CYP4X1: variants seen among roughly 807,000 people sequenced by gnomAD.
CYP4X1 encodes cytochrome P450 4X1.
In CYP4X1, 44 loss-of-function variants were observed where a neutral mutation model predicts 57.9. The ratio of observed to expected loss-of-function variants is 0.76; its 90% CI spans 0.60 to 0.98. CYP4X1 has a LOEUF of 0.98. CYP4X1 is among the 50% of genes least tolerant of loss of function. The pLI is 0.00. For missense variants in CYP4X1, 532 were observed against 623.9 expected (o/e 0.85, Z 1.57); for synonymous variants, 227 against 228.6 (o/e 0.99, Z 0.06).
chr1:47,051,476 T>A (rs1644360126), downstream of CYP4X1, among the ~76,000 whole-genome samples: 1 of 152,194 alleles, frequency 6.6e-6, no homozygotes, highest in East Asian at 1.9e-4. Context: ...CTTTTGCTGA[T>A]ATGATCTTAC....
Position 47,028,226 on chromosome 1 carries a change from A to G in CYP4X1, c.178-1764A>G, listed in dbSNP as rs115353363. Among the ~76,000 whole-genome samples the G allele has an allele frequency of 2.2e-3, 340 of 152,254 alleles. 1 individual carries two copies. The highest frequency in any genetic ancestry group is 3.4e-3 in the Non-Finnish European group (231 of 68,018). On this transcript the variant is annotated intron_variant, in intron 1 of 11. Transcript: ENST00000371901. ...CTTGGATGTACTGCAGAGAACATCT[A>G]TGTAGCTAAGTAGTATAAAGCACTT... is the stretch of plus-strand genomic sequence containing the variant.
intron 1 of CYP4X1, among the ~76,000 whole-genome samples, chr1:47,026,794 T>C (rs1248205955): frequency 1.3e-5 from 2 of 152,168 alleles, no homozygotes; most frequent in East Asian, 3.9e-4. Context: ...CTCGGCTCAC[T>C]GCAACCTCCG....
intron 8 of CYP4X1, among the ~76,000 whole-genome samples, chr1:47,042,367 A>T (rs968046537): frequency 3.0e-4 from 46 of 151,004 alleles, no homozygotes; most frequent in Admixed American, 2.0e-4. Flanking sequence ...TAGTATGGAT[A>T]TTTTAACAGT....
the CYP4X1 span, among the ~76,000 whole-genome samples, chr1:47,011,209 G>C: frequency 6.6e-6 from 1 of 152,088 alleles, no homozygotes; most frequent in Admixed American, 6.6e-5. Context: ...CCAAAACAGA[G>C]ATATAGACCA....
chr1:47,038,586 C>T (rs1644210736), intron 6 of CYP4X1, 74 bp from the exon 7 acceptor site: 8 of 1,170,704 alleles, frequency 6.8e-6, no homozygotes, highest in African/African-American at 1.6e-5. Flanking sequence ...AAGCTATTCA[C>T]TAACCATGGC....
the CYP4X1 span, among the ~76,000 whole-genome samples, chr1:46,968,215 C>T: frequency 2.6e-5 from 4 of 152,126 alleles, no homozygotes; most frequent in Non-Finnish European, 4.4e-5. Flanking sequence ...CAGGCTTCTG[C>T]CTCCCCTTAC....
chr1:47,041,522 C>T (rs1644246522), intron 8 of CYP4X1, among the ~76,000 whole-genome samples: 1 of 152,012 alleles, frequency 6.6e-6, no homozygotes, highest in Non-Finnish European at 1.5e-5. Context: ...TTTACGTTTC[C>T]CTGATGATTA....
the CYP4X1 span, chr1:47,003,030 T>C: frequency 6.6e-6 from 1 of 152,290 alleles, no homozygotes; most frequent in Non-Finnish European, 1.5e-5. Flanking sequence ...GTCAGGGTCA[T>C]ATAATAGGAA....
At chr1:46,975,573 C>T in the CYP4X1 span, among the ~76,000 whole-genome samples, 1 of 151,904 alleles carries the variant, frequency 6.6e-6, no homozygotes, top group Non-Finnish European at 1.5e-5. Context: ...TGACCTGCCC[C>T]TTCTTTCTAG....
At chr1:47,017,879 A>C in the CYP4X1 span, among the ~76,000 whole-genome samples, 10 of 152,292 alleles carry the variant, frequency 6.6e-5, no homozygotes, top group East Asian at 1.9e-3. Context: ...GTGCTCTGAC[A>C]ACCTTGGGCA....
the CYP4X1 span, among the ~76,000 whole-genome samples, chr1:47,006,176 G>A: frequency 2.0e-5 from 3 of 152,124 alleles, no homozygotes; most frequent in Admixed American, 2.0e-4. Flanking sequence ...AATTATTTTT[G>A]ATCCTCATTT....
chr1:47,047,591 C>CTG (rs57366027), intron 9 of CYP4X1, among the ~76,000 whole-genome samples: 307 of 151,184 alleles, frequency 2.0e-3, no homozygotes, highest in Middle Eastern at 0.017. Context: ...AATCACAGTT[C>CTG]TGTGTGTGTG....
In CYP4X1 at chr1:47,039,362, CTCAGATAT is replaced by C. The variant is rs1644219754; in HGVS notation, c.905_912del (p.Ser302Ter). ...TCTAGGATGAAAGTGGTAGCAGCTT[CTCAGATAT>C]TGATGTACACTCTGAAGTGAGCACA... On this transcript the variant is annotated frameshift_variant, in exon 8 of 12. Transcript: ENST00000371901. LOFTEE classifies it high-confidence loss of function. The C allele has an allele frequency of 1.9e-6, 3 of 1,597,892 alleles. No individual in the cohort carries two copies. In the South Asian group the frequency reaches 3.4e-5, roughly 18 times the overall value.
At chr1:46,984,363 C>T in the CYP4X1 span, among the ~76,000 whole-genome samples, 3 of 134,588 alleles carry the variant, frequency 2.2e-5, no homozygotes, top group Admixed American at 8.0e-5. Context: ...TTAACTCCTC[C>T]CTGCTCTGCC....
chr1:46,980,330 A>G, the CYP4X1 span, among the ~76,000 whole-genome samples: 72 of 152,330 alleles, frequency 4.7e-4, no homozygotes, highest in African/African-American at 1.7e-3. Flanking sequence ...TTATACACCA[A>G]TAACAGACAA....
At chr1:46,992,449 C>T in the CYP4X1 span, among the ~76,000 whole-genome samples, 2 of 152,216 alleles carry the variant, frequency 1.3e-5, no homozygotes, top group Admixed American at 1.3e-4. Flanking sequence ...TTCTAATCAA[C>T]TTTCTGGATC....
chr1:47,018,747 C>G (rs138852883), upstream of CYP4X1, among the ~76,000 whole-genome samples: 654 of 152,126 alleles, frequency 4.3e-3, 4 homozygotes, highest in African/African-American at 0.015. Context: ...TTTAATAAAG[C>G]ATGGTTTAGG....
the CYP4X1 span, among the ~76,000 whole-genome samples, chr1:46,979,182 C>T: frequency 6.6e-6 from 1 of 152,028 alleles, no homozygotes; most frequent in African/African-American, 2.4e-5. Context: ...TCAAGGAATC[C>T]AGGAGCTGGT....
chr1:47,028,174 G>A (rs1024683794), intron 1 of CYP4X1, among the ~76,000 whole-genome samples: 1 of 152,170 alleles, frequency 6.6e-6, no homozygotes, highest in Non-Finnish European at 1.5e-5. Flanking sequence ...GTGTGTGTGT[G>A]TATGTGTGTG....
Sources: gnomAD v4.1 joint callset for allele counts (sites outside exome capture counted in the v4.1 genomes callset) on GRCh38, gnomAD v4.1.1 for gene constraint, MANE v1.5 for transcripts, NCBI Gene and HGNC (gene_info 2026-07-23, HGNC 2026-07-21) for gene names.